NHS: variants seen among roughly 807,000 people sequenced by gnomAD.
The protein encoded by NHS is NHS actin remodeling regulator.
In NHS, 5 loss-of-function variants were observed where a neutral mutation model predicts 72.5. The ratio of observed to expected loss-of-function variants is 0.07; its 90% CI spans 0.04 to 0.14. The LOEUF (loss-of-function observed/expected upper bound fraction) is 0.14. NHS is among the 10% of genes least tolerant of loss of function. The pLI is 1.00. For synonymous variants in NHS, 464 were observed against 547.7 expected, an observed-to-expected ratio of 0.85 and a Z score of 2.13; for missense variants, 1,072 against 1,355.7, an observed-to-expected ratio of 0.79 and a Z score of 3.29.
chrX:17,494,913 G>A (rs2065005533), intron 1 of NHS, among the ~76,000 whole-genome samples: 1 of 112,113 alleles, frequency 8.9e-6, no homozygotes, highest in Admixed American at 9.5e-5. Context: ...GAGTTCTGAT[G>A]GTCACAATCA....
intron 1 of NHS, among the ~76,000 whole-genome samples, chrX:17,411,997 C>A (rs187890319): frequency 7.2e-4 from 80 of 110,596 alleles, no homozygotes; most frequent in African/African-American, 2.6e-3. Context: ...TTCAGCCACC[C>A]CTGATTATTT....
intron 1 of NHS, among the ~76,000 whole-genome samples, chrX:17,458,286 G>A (rs1037600474): frequency 7.2e-5 from 8 of 111,735 alleles, no homozygotes; most frequent in Non-Finnish European, 1.3e-4. Flanking sequence ...GGAGTGCAGT[G>A]GCGAGATCTC....
At chrX:17,508,832 G>A in intron 1 of NHS, among the ~76,000 whole-genome samples, 1 of 112,277 alleles carries the variant, frequency 8.9e-6, no homozygotes, top group Non-Finnish European at 1.9e-5. Context: ...TTTGGCTATT[G>A]TGAATAGTGC....
intron 1 of NHS, among the ~76,000 whole-genome samples, chrX:17,493,440 C>T (rs2064999768): frequency 8.9e-6 from 1 of 111,974 alleles, no homozygotes; most frequent in African/African-American, 3.3e-5. Context: ...TTCATTTCCA[C>T]ATCTATTTTC....
rs1413684370 is a variant in NHS at position 17,522,500 on chromosome X, C to G, written c.565+146178C>G. Among the ~76,000 whole-genome samples the G allele has an allele frequency of 5.1e-5, 3 of 59,238 alleles. No homozygotes were observed. In the South Asian group the frequency reaches 5.0e-3, roughly 100 times the overall value. The allele number at this position is 59,238 out of a possible 115,157, so 51.4% of individuals were successfully genotyped here. ...AAATAGTAGCCAGAAGCCGCCCCCC[C>G]CCCCCCGCCCCATCCCCCCCATCCG... On this transcript the variant is annotated intron_variant, in intron 1 of 8. Coordinates refer to ENST00000676302, the MANE Select transcript of NHS (RefSeq NM_001291867.2).
intron 1 of NHS, among the ~76,000 whole-genome samples, chrX:17,644,107 A>ACAATTG (rs1339526013): frequency 8.9e-6 from 1 of 112,429 alleles, no homozygotes; most frequent in Non-Finnish European, 1.9e-5. Flanking sequence ...TCTCCCATCT[A>ACAATTG]CAATTGGCTA....
intron 1 of NHS, among the ~76,000 whole-genome samples, chrX:17,439,861 G>A (rs1288532262): frequency 1.8e-5 from 2 of 112,140 alleles, no homozygotes; most frequent in Admixed American, 9.5e-5. Context: ...TAGAATCAAC[G>A]GCTTTGGAAA....
intron 1 of NHS, among the ~76,000 whole-genome samples, chrX:17,579,433 C>A (rs1317133315): frequency 1.8e-5 from 2 of 111,057 alleles, no homozygotes; most frequent in African/African-American, 6.6e-5. Context: ...CTTTTTCAAG[C>A]ACTATAGGAT....
Position 17,547,711 on chromosome X carries a change from G to A in NHS, c.566-140031G>A, listed in dbSNP as rs377070411. Reference sequence around the variant, plus strand: ...GAGGTGGTGGCTATGGGGAAGTAATGCAGGTGTTTCTGTTATCTCTTGCTG... The same window carrying A: ...GAGGTGGTGGCTATGGGGAAGTAATACAGGTGTTTCTGTTATCTCTTGCTG... On this transcript the variant is annotated intron_variant, in intron 1 of 8. Coordinates refer to ENST00000676302, the MANE Select transcript of NHS (RefSeq NM_001291867.2). Among the ~76,000 whole-genome samples the A allele has an allele frequency of 4.4e-5, 5 of 112,864 alleles. No homozygotes were observed. The South Asian group carries it at 1.1e-3, about 25-fold the overall frequency.
At chrX:17,543,464 C>T (rs1405270671) in intron 1 of NHS, among the ~76,000 whole-genome samples, 7 of 111,802 alleles carry the variant, frequency 6.3e-5, no homozygotes, top group South Asian at 3.7e-4. Flanking sequence ...CTGAACCTGA[C>T]GCTACTTAGA....
chrX:17,375,726 G>A lies in NHS; in HGVS notation c.-32G>A, dbSNP rs780312178. 2.1e-4 allele frequency: 244 copies of A among 1,151,108 alleles called. 1 individual carries two copies. In the Middle Eastern group the frequency reaches 2.3e-3, roughly 11 times the overall value. The allele number at this position is 1,151,108 out of a possible 1,213,427, so 94.9% of individuals were successfully genotyped here. On this transcript the variant is annotated 5_prime_UTR_variant, in exon 1 of 9. Coordinates refer to ENST00000676302, the MANE Select transcript of NHS (RefSeq NM_001291867.2). ...CTCCAGCTCACAGGGGCGCTTGGAG[G>A]AGACCAGAAAGTCGCCGCCTGGCTG...
At chrX:17,560,900 T>C (rs1287656570) in intron 1 of NHS, among the ~76,000 whole-genome samples, 1 of 112,493 alleles carries the variant, frequency 8.9e-6, no homozygotes, top group Non-Finnish European at 1.9e-5. Context: ...AAGGCCCTTT[T>C]CTCCAGGGCC....
chrX:17,597,404 C>T (rs2065629804), intron 1 of NHS, among the ~76,000 whole-genome samples: 1 of 108,092 alleles, frequency 9.3e-6, no homozygotes, highest in Admixed American at 1.0e-4. Flanking sequence ...GGATTACAAG[C>T]GTGAGCCACC....
intron 1 of NHS, among the ~76,000 whole-genome samples, chrX:17,637,548 C>A (rs2065857345): frequency 8.9e-6 from 1 of 111,820 alleles, no homozygotes; most frequent in Non-Finnish European, 1.9e-5. Flanking sequence ...GAAGACTAGG[C>A]CCTTAATCAA....
intron 3 of NHS, among the ~76,000 whole-genome samples, chrX:17,704,307 T>G (rs2066283171): frequency 9.2e-6 from 1 of 108,820 alleles, no homozygotes; most frequent in Non-Finnish European, 1.9e-5. Context: ...AAAAAAAAAT[T>G]TTTTTTTGAG....
At chrX:17,721,031 A>C (rs2066403045) in intron 4 of NHS, among the ~76,000 whole-genome samples, 1 of 112,047 alleles carries the variant, frequency 8.9e-6, no homozygotes, top group South Asian at 3.7e-4. Context: ...GAACCTTTTC[A>C]TAGGTGTCTA....
At chrX:17,669,924 G>A (rs773919088) in intron 1 of NHS, among the ~76,000 whole-genome samples, 1 of 112,229 alleles carries the variant, frequency 8.9e-6, no homozygotes, top group African/African-American at 3.2e-5. Flanking sequence ...CAGGCCCCTG[G>A]CTTGAATTCA....
rs766667653 is a variant in NHS, at chrX:17,726,816, G to A, written c.2710G>A (p.Ala904Thr). The A allele has an allele frequency of 6.6e-6, 8 of 1,209,969 alleles. No individual in the cohort carries two copies. Among genetic ancestry groups the A allele is most frequent in the Admixed American group, 4.4e-5 (2 of 45,735 alleles). The change falls in exon 7 of 9, where the codon GCC becomes ACC. Residue 904 changes from alanine to threonine, a missense_variant. By Grantham distance (58) the Ala-to-Thr change is moderately conservative (BLOSUM62 0). Transcript: ENST00000676302. ...FANTPSRMEN[A>T]NLPTKQEPSW... ...CAACACGCCTTCTCGAATGGAAAAC[G>A]CCAATCTTCCCACCAAGCAGGAACC...
chrX:17,511,565 G>T (rs2065088178), intron 1 of NHS, among the ~76,000 whole-genome samples: 1 of 111,793 alleles, frequency 8.9e-6, no homozygotes, highest in African/African-American at 3.3e-5. Context: ...ATAGATGTAG[G>T]GTAGGTCCCA....
Sources: allele counts gnomAD v4.1 joint callset (sites outside exome capture counted in the v4.1 genomes callset), GRCh38; gene constraint gnomAD v4.1.1; transcripts MANE v1.5; gene names NCBI Gene and HGNC (gene_info 2026-07-23, HGNC 2026-07-21).